STARD8: variants seen among roughly 807,000 people sequenced by gnomAD.
The protein encoded by STARD8 is StAR related lipid transfer domain containing 8.
In STARD8, 25 loss-of-function variants were observed where a neutral mutation model predicts 69.4. The observed-to-expected ratio is 0.36, with a 90% CI of 0.26 to 0.50. The LOEUF (loss-of-function observed/expected upper bound fraction) is 0.50, where lower values mean the gene tolerates loss of function less well. Ranked by LOEUF, STARD8 falls within the 20% of genes least tolerant of loss-of-function variation. The pLI is 0.96. For synonymous variants in STARD8, 389 were observed against 374.6 expected, an observed-to-expected ratio of 1.04 and a Z score of -0.45; for missense variants, 921 against 932.5, an observed-to-expected ratio of 0.99 and a Z score of 0.16.
intron 1 of STARD8, among the ~76,000 whole-genome samples, chrX:68,650,678 C>A (rs1157995954): frequency 1.8e-5 from 2 of 110,150 alleles, no homozygotes; most frequent in African/African-American, 6.6e-5. Flanking sequence ...GTGATGCATG[C>A]CTGTTTTCTC....
At chrX:68,686,347 C>T (rs1368949151) in intron 2 of STARD8, among the ~76,000 whole-genome samples, 1 of 112,611 alleles carries the variant, frequency 8.9e-6, no homozygotes, top group Non-Finnish European at 1.9e-5. Flanking sequence ...TTCGCTCAGT[C>T]CCGGGGCAAA....
intron 2 of STARD8, among the ~76,000 whole-genome samples, chrX:68,686,365 G>T (rs1254976793): frequency 3.5e-5 from 4 of 112,769 alleles, no homozygotes; most frequent in East Asian, 5.6e-4. Context: ...AAAACTACCC[G>T]AGGCGCCAGC....
intron 2 of STARD8, among the ~76,000 whole-genome samples, chrX:68,702,931 A>G (rs2079977288): frequency 8.9e-6 from 1 of 111,795 alleles, no homozygotes; most frequent in Admixed American, 9.5e-5. Flanking sequence ...TACATTCAGT[A>G]TCTTAAATAT....
At chrX:68,652,774 C>A (rs1319843214) in intron 1 of STARD8, among the ~76,000 whole-genome samples, 3 of 61,968 alleles carry the variant, frequency 4.8e-5, no homozygotes, top group East Asian at 5.8e-4. Flanking sequence ...ACACACACAC[C>A]CCACACACCA....
chrX:68,721,216 G>A (rs747733098), intron 9 of STARD8, 94 bp downstream of exon 9: 13 of 1,012,571 alleles, frequency 1.3e-5, no homozygotes, highest in African/African-American at 1.8e-5. Flanking sequence ...GCAGGCAAAT[G>A]TAGCTGGACC....
chrX:68,674,986 C>T (rs1448914953), intron 2 of STARD8, among the ~76,000 whole-genome samples: 24 of 90,361 alleles, frequency 2.7e-4, no homozygotes, highest in Non-Finnish European at 4.7e-4. Flanking sequence ...GATGGAGTTT[C>T]GCTCTTGTTG....
chrX:68,701,000 T>C (rs1439058604), intron 2 of STARD8, among the ~76,000 whole-genome samples: 1 of 111,574 alleles, frequency 9.0e-6, no homozygotes, highest in Admixed American at 9.5e-5. Context: ...CATTTGGTTG[T>C]TTTTCACTGA....
chrX:68,652,890 A>AC lies in STARD8; in HGVS notation c.45+4964dup, dbSNP rs1411596482. Among the ~76,000 whole-genome samples, 23 of 41,228 alleles carry AC rather than the reference A, an allele frequency of 5.6e-4. 1 individual carries two copies. Among genetic ancestry groups the AC allele is most frequent in the African/African-American group, 2.2e-3 (22 of 10,176 alleles). 35.8% of individuals were successfully genotyped at this position (41,228 alleles called of 115,157 possible). A position where few individuals can be genotyped will look rare whatever the true frequency, so the allele number is the denominator to read the frequency against. Reference sequence around the variant, plus strand: ...ACACACACCCACACCCCACACACACACACCACACCACACACACCACACCAC... The same window carrying AC: ...ACACACACCCACACCCCACACACACACCACCACACCACACACACCACACCAC... On this transcript the variant is annotated intron_variant, in intron 1 of 14. Coordinates refer to ENST00000374599, the MANE Select transcript of STARD8 (RefSeq NM_001142503.3).
At chrX:68,707,865 C>CTAG (rs894592987) in intron 2 of STARD8, among the ~76,000 whole-genome samples, 17 of 111,367 alleles carry the variant, frequency 1.5e-4, no homozygotes, top group Admixed American at 1.5e-3. Context: ...CTAGGGTTGC[C>CTAG]TAGTAGTGGT....
At chrX:68,659,239 T>C (rs1569352865) in intron 1 of STARD8, among the ~76,000 whole-genome samples, 1 of 111,951 alleles carries the variant, frequency 8.9e-6, no homozygotes, top group Non-Finnish European at 1.9e-5. Context: ...AGATAGTTGA[T>C]TGATTGCTCT....
chrX:68,688,130 G>C (rs1349459069), intron 2 of STARD8, among the ~76,000 whole-genome samples: 1 of 112,523 alleles, frequency 8.9e-6, no homozygotes, highest in Non-Finnish European at 1.9e-5. Flanking sequence ...GGAGGGGAAA[G>C]GGGGGAGCTG....
chrX:68,713,890 A>G (rs747968326), intron 3 of STARD8, among the ~76,000 whole-genome samples: 11 of 112,179 alleles, frequency 9.8e-5, no homozygotes, highest in Non-Finnish European at 1.9e-4. Flanking sequence ...CGGATTAAAC[A>G]GGTCTGAAAC....
intron 2 of STARD8, among the ~76,000 whole-genome samples, chrX:68,703,437 G>A (rs952424271): frequency 3.6e-5 from 4 of 112,548 alleles, no homozygotes; most frequent in African/African-American, 9.7e-5. Context: ...GAGCATGCAC[G>A]TCATCACCCT....
intron 2 of STARD8, among the ~76,000 whole-genome samples, chrX:68,709,500 C>T (rs749704245): frequency 8.9e-6 from 1 of 111,866 alleles, no homozygotes; most frequent in Admixed American, 9.5e-5. Context: ...ATTTAATGCT[C>T]TCAGTAGCTA....
At chrX:68,652,924 AT>A (rs2079563499) in intron 1 of STARD8, among the ~76,000 whole-genome samples, 4 of 28,975 alleles carry the variant, frequency 1.4e-4, no homozygotes, top group Non-Finnish European at 2.6e-4. Flanking sequence ...ACACACACAC[AT>A]CACACACACC....
At chrX:68,653,723 C>CCA (rs1287825040) in intron 1 of STARD8, among the ~76,000 whole-genome samples, 2 of 95,110 alleles carry the variant, frequency 2.1e-5, no homozygotes, top group Non-Finnish European at 4.3e-5. Flanking sequence ...ACACACCACA[C>CCA]CACACACACA....
intron 2 of STARD8, among the ~76,000 whole-genome samples, chrX:68,668,332 CT>C (rs1437419885): frequency 1.1e-5 from 1 of 87,251 alleles, no homozygotes; most frequent in Non-Finnish European, 2.3e-5. Context: ...TCCTTCCTTC[CT>C]TTTTTTTTCT....
chrX:68,715,239 A>G, intron 3 of STARD8, 55 bp from the exon 4 acceptor site: 2 of 1,064,294 alleles, frequency 1.9e-6, no homozygotes, highest in Non-Finnish European at 2.6e-6. Flanking sequence ...AGGGCTGCTG[A>G]GGCTGAGTTT....
At chrX:68,709,839 C>A (rs1019475148) in intron 2 of STARD8, among the ~76,000 whole-genome samples, 7 of 109,155 alleles carry the variant, frequency 6.4e-5, no homozygotes, top group African/African-American at 1.0e-4. Flanking sequence ...AAAAAAAAAA[C>A]CCATAAACAT....
Sources: gnomAD v4.1 joint callset for allele counts (sites outside exome capture counted in the v4.1 genomes callset) on GRCh38, gnomAD v4.1.1 for gene constraint, MANE v1.5 for transcripts, NCBI Gene and HGNC (gene_info 2026-07-23, HGNC 2026-07-21) for gene names.